Variants in GTF2A1L observed in about 807,000 individuals in gnomAD.
GTF2A1L encodes general transcription factor IIA subunit 1 like, also known as TFIIA-alpha and beta-like factor.
GTF2A1L carries 48 observed loss-of-function variants against 49.7 expected under a neutral mutation model. That is an observed-to-expected ratio of 0.97 (90% confidence interval 0.77 to 1.23). GTF2A1L has a LOEUF of 1.23. Among genes scored for constraint, GTF2A1L ranks in the 50% most tolerant of loss-of-function variants. GTF2A1L has a pLI of 0.00. For missense variants in GTF2A1L, 736 were observed against 564.8 expected, an observed-to-expected ratio of 1.30 and a Z score of -3.07; for synonymous variants, 246 against 193.5, an observed-to-expected ratio of 1.27 and a Z score of -2.25.
At chr2:48,671,464 G>T (rs749217773) in intron 7 of GTF2A1L, 127 bp from the exon 8 acceptor site, 47 of 885,512 alleles carry the variant, frequency 5.3e-5, no homozygotes, top group Non-Finnish European at 7.4e-5. Flanking sequence ...TAGGCCTCCC[G>T]TAGTGCTGGG....
chr2:48,640,497 A>G (rs1202609449), intron 3 of GTF2A1L, among the ~76,000 whole-genome samples: 1 of 152,106 alleles, frequency 6.6e-6, no homozygotes, highest in Non-Finnish European at 1.5e-5. Context: ...ACTCATGAAC[A>G]CAAGGAAACA....
chr2:48,679,544 C>G lies in GTF2A1L; in HGVS notation c.*102C>G. 1 of 1,495,474 alleles carries G rather than the reference C, an allele frequency of 6.7e-7. No homozygotes were observed. Among genetic ancestry groups the G allele is most frequent in the Non-Finnish European group, 8.9e-7 (1 of 1,128,562 alleles). 92.6% of individuals were successfully genotyped at this position (1,495,474 alleles called of 1,614,324 possible). A position where few individuals can be genotyped will look rare whatever the true frequency, so the allele number is the denominator to read the frequency against. ...GAATATAGTCCAGCACAGAGCTGTT[C>G]AAATTTTTAGTTCACTGTATGGAAT... is the stretch of plus-strand genomic sequence containing the variant. On this transcript the variant is annotated 3_prime_UTR_variant, in exon 9 of 9. Coordinates refer to ENST00000403751, the MANE Select transcript of GTF2A1L (RefSeq NM_006872.5).
chr2:48,646,857 A>G lies in GTF2A1L; in HGVS notation c.793A>G (p.Ser265Gly). Residue 265 changes from serine to glycine, a missense_variant, in exon 6 of 9, where the codon AGT becomes GGT. Ser to Gly is a moderately conservative substitution (Grantham distance 56, BLOSUM62 0). Transcript: ENST00000403751. The part of the protein sequence containing the change: ...QTNSNVESVL[S>G]GSASMAQNLH... ...AAATTCTAATGTGGAGTCAGTGCTCAGTGGTTCAGCTAGCATGGCTCAAAA... is the reference window on the plus strand; with the variant it reads ...AAATTCTAATGTGGAGTCAGTGCTCGGTGGTTCAGCTAGCATGGCTCAAAA... 1 of 1,614,202 alleles carries G rather than the reference A, an allele frequency of 6.2e-7. No homozygotes were observed. The highest frequency in any genetic ancestry group is 8.5e-7 in the Non-Finnish European group (1 of 1,180,014).
At chr2:48,643,201 G>A (rs1032387578) in intron 4 of GTF2A1L, among the ~76,000 whole-genome samples, 1 of 151,846 alleles carries the variant, frequency 6.6e-6, no homozygotes, top group Non-Finnish European at 1.5e-5. Flanking sequence ...TTGTACCTTC[G>A]TGAAGTATAG....
intron 1 of GTF2A1L, 49 bp from the exon 2 acceptor site, chr2:48,620,802 T>TAAATAAAG (rs749509436): frequency 9.9e-7 from 1 of 1,006,020 alleles, no homozygotes; most frequent in Non-Finnish European, 1.3e-6. Flanking sequence ...AATAAATAAA[T>TAAATAAAG]AAATAAATAA....
intron 6 of GTF2A1L, among the ~76,000 whole-genome samples, chr2:48,654,508 G>A (rs747774896): frequency 2.0e-5 from 3 of 151,774 alleles, no homozygotes; most frequent in Non-Finnish European, 4.4e-5. Context: ...TCAGTCTCCC[G>A]CGAAGCTGGG....
intron 6 of GTF2A1L, among the ~76,000 whole-genome samples, chr2:48,649,341 T>C (rs375699286): frequency 6.3e-4 from 96 of 152,258 alleles, no homozygotes; most frequent in African/African-American, 2.3e-3. Context: ...TGTTCCTTCA[T>C]CTCCACTCCT....
intron 3 of GTF2A1L, among the ~76,000 whole-genome samples, chr2:48,633,633 T>A (rs944960816): frequency 3.9e-5 from 6 of 152,228 alleles, no homozygotes; most frequent in Non-Finnish European, 7.3e-5. Flanking sequence ...GGTGGAGTAT[T>A]CTGTAGATGT....
At chr2:48,640,616 A>G (rs1296582401) in intron 3 of GTF2A1L, among the ~76,000 whole-genome samples, 2 of 152,172 alleles carry the variant, frequency 1.3e-5, no homozygotes, top group Non-Finnish European at 2.9e-5. Context: ...AATCTGTAAA[A>G]CAAAATAATC....
intron 1 of GTF2A1L, among the ~76,000 whole-genome samples, chr2:48,618,429 A>C (rs1675783923): frequency 6.6e-6 from 1 of 152,212 alleles, no homozygotes; most frequent in Non-Finnish European, 1.5e-5. Context: ...CTTAATTTGC[A>C]CAGTGAGAAT....
chr2:48,655,918 T>C (rs1016763700), intron 6 of GTF2A1L, among the ~76,000 whole-genome samples: 5 of 152,168 alleles, frequency 3.3e-5, no homozygotes, highest in African/African-American at 1.2e-4. Flanking sequence ...ACCACTTTAG[T>C]TACCTCATAT....
intron 3 of GTF2A1L, among the ~76,000 whole-genome samples, chr2:48,628,045 A>C (rs1193379093): frequency 6.9e-6 from 1 of 143,972 alleles, no homozygotes; most frequent in African/African-American, 2.5e-5. Flanking sequence ...GTTGCTGCAA[A>C]GGACATGATT....
chr2:48,664,019 C>T (rs75148467), intron 6 of GTF2A1L, among the ~76,000 whole-genome samples: 7,424 of 152,200 alleles, frequency 0.049, 598 homozygotes, highest in African/African-American at 0.17. Context: ...TCGTTAAACC[C>T]ACTTAATAAT....
intron 3 of GTF2A1L, among the ~76,000 whole-genome samples, chr2:48,631,988 T>C (rs1676604402): frequency 6.6e-6 from 1 of 152,166 alleles, no homozygotes; most frequent in Non-Finnish European, 1.5e-5. Context: ...TGGTATACAT[T>C]TGTTTTTGTT....
intron 6 of GTF2A1L, among the ~76,000 whole-genome samples, chr2:48,661,736 G>T (rs191480436): frequency 8.6e-5 from 13 of 151,690 alleles, no homozygotes; most frequent in Admixed American, 3.3e-4. Flanking sequence ...CAGCTCTATT[G>T]GTTATCATTT....
intron 6 of GTF2A1L, among the ~76,000 whole-genome samples, chr2:48,657,946 G>A (rs1307866067): frequency 2.0e-5 from 3 of 151,878 alleles, no homozygotes; most frequent in African/African-American, 7.3e-5. Flanking sequence ...ACTTTTTAAC[G>A]TGGTCATTTG....
chr2:48,627,296 A>G (rs1469082515), intron 3 of GTF2A1L, among the ~76,000 whole-genome samples: 1 of 144,144 alleles, frequency 6.9e-6, no homozygotes, highest in Non-Finnish European at 1.6e-5. Flanking sequence ...GCATGATGGA[A>G]TCTGGAACCA....
At chr2:48,673,695 A>G (rs1236195919) in intron 8 of GTF2A1L, among the ~76,000 whole-genome samples, 1 of 152,112 alleles carries the variant, frequency 6.6e-6, no homozygotes, top group East Asian at 1.9e-4. Context: ...AAACAGGGAA[A>G]ACTATTTTTC....
intron 1 of GTF2A1L, among the ~76,000 whole-genome samples, chr2:48,618,413 C>A (rs1255023873): frequency 6.6e-6 from 1 of 152,176 alleles, no homozygotes; most frequent in African/African-American, 2.4e-5. Flanking sequence ...CTACCTCTAA[C>A]GGACACTTAA....
Sources: allele counts gnomAD v4.1 joint callset (sites outside exome capture counted in the v4.1 genomes callset), GRCh38; gene constraint gnomAD v4.1.1; transcripts MANE v1.5; gene names NCBI Gene and HGNC (gene_info 2026-07-23, HGNC 2026-07-21).